ADAM12: variants seen among roughly 807,000 people sequenced by gnomAD.
The protein encoded by ADAM12 is disintegrin and metalloproteinase domain-containing protein 12.
A neutral mutation model predicts 106.4 loss-of-function variants in ADAM12; 70 were observed. The observed-to-expected ratio is 0.66, with a 90% confidence interval of 0.54 to 0.80. The LOEUF (loss-of-function observed/expected upper bound fraction) is 0.80. Among genes scored for constraint, ADAM12 ranks in the 30% least tolerant of loss-of-function variants. ADAM12 has a pLI of 0.00. For missense variants in ADAM12, 1,010 were observed against 1,171.9 expected, an observed-to-expected ratio of 0.86 and a Z score of 2.02; for synonymous variants, 420 against 433.5, an observed-to-expected ratio of 0.97 and a Z score of 0.39.
Position 126,051,435 on chromosome 10 carries a change from G to A in ADAM12, c.1610-1766C>T, listed in dbSNP as rs144140346. On this transcript the variant is annotated intron_variant, in intron 14 of 22. Transcript: ENST00000448723. ...TATCCATTCATCCATCCATCCACTC[G>A]TCCATCCAGCCAGCCACCCAGCCAC... 3.8e-4 allele frequency among the ~76,000 whole-genome samples: 56 copies of A among 148,916 alleles called. 1 individual carries two copies. The highest frequency in any genetic ancestry group is 3.5e-3 in the South Asian group (16 of 4,636).
intron 3 of ADAM12, among the ~76,000 whole-genome samples, chr10:126,158,081 G>A (rs530277846): frequency 5.9e-5 from 9 of 152,338 alleles, no homozygotes; most frequent in African/African-American, 1.7e-4. Flanking sequence ...GCAGAGAGGC[G>A]GGATGTGAAA....
chr10:126,155,806 A>G (rs1956805251), intron 3 of ADAM12, among the ~76,000 whole-genome samples: 2 of 152,322 alleles, frequency 1.3e-5, no homozygotes, highest in South Asian at 4.1e-4. Flanking sequence ...AACCGGCTGA[A>G]AATATTGAAA....
chr10:126,209,151 A>T (rs1300849703), intron 3 of ADAM12, among the ~76,000 whole-genome samples: 1 of 152,248 alleles, frequency 6.6e-6, no homozygotes, highest in Admixed American at 6.5e-5. Context: ...TCCTATCAAC[A>T]TAGGAGGGAT....
intron 1 of ADAM12, among the ~76,000 whole-genome samples, chr10:126,381,898 T>C (rs748288293): frequency 1.5e-4 from 23 of 151,422 alleles, no homozygotes; most frequent in Non-Finnish European, 3.1e-4. Context: ...TCACTTGAGC[T>C]CAGAGGGTCA....
rs199671812 is a variant in ADAM12, at chr10:126,019,857, T to C, written c.2530-32A>G. The C allele has an allele frequency of 1.4e-5, 23 of 1,592,318 alleles. No individual in the cohort carries two copies. In the African/African-American group the frequency reaches 2.8e-4, roughly 20 times the overall value. On this transcript the variant is annotated intron_variant, in intron 21 of 22. Coordinates refer to ENST00000448723, the MANE Select transcript of ADAM12 (RefSeq NM_001288973.2). ...TAAACATAGGGTTAGGCAGGGTCAC[T>C]TACCAGGAGCCAGCAGAGGCCCCTG... is the stretch of plus-strand genomic sequence containing the variant.
At chr10:126,121,977 A>G (rs960509375) in intron 5 of ADAM12, among the ~76,000 whole-genome samples, 1 of 152,148 alleles carries the variant, frequency 6.6e-6, no homozygotes, top group African/African-American at 2.4e-5. Flanking sequence ...AATGGGAGAA[A>G]CAGATCTATC....
At chr10:126,292,781 C>A (rs1222556046) in intron 2 of ADAM12, among the ~76,000 whole-genome samples, 1 of 152,092 alleles carries the variant, frequency 6.6e-6, no homozygotes, top group East Asian at 1.9e-4. Context: ...TGATGTACAC[C>A]AAAATTTGAA....
Position 126,348,750 on chromosome 10 carries a change from A to G in ADAM12, c.89-18241T>C, listed in dbSNP as rs535210130. 3.9e-5 allele frequency among the ~76,000 whole-genome samples: 6 copies of G among 152,330 alleles called. No individual in the cohort carries two copies. The East Asian group carries it at 1.2e-3, about 29-fold the overall frequency. ...CAGTCACTGTTTATGAGAGCGAACC[A>G]TAAATTGGGATCCAAGTAGAATGAT... On this transcript the variant is annotated intron_variant, in intron 1 of 22. Transcript: ENST00000448723.
At chr10:126,236,077 A>T (rs1958410034) in intron 3 of ADAM12, among the ~76,000 whole-genome samples, 2 of 152,214 alleles carry the variant, frequency 1.3e-5, no homozygotes, top group African/African-American at 4.8e-5. Flanking sequence ...CAACCTGAAA[A>T]GGACAGGCCA....
At chr10:126,358,108 G>T (rs1441884610) in intron 1 of ADAM12, among the ~76,000 whole-genome samples, 3 of 151,672 alleles carry the variant, frequency 2.0e-5, no homozygotes, top group Admixed American at 6.6e-5. Flanking sequence ...AACCCCGGGG[G>T]GTGGAACCTG....
At chr10:126,253,690 G>C (rs1051405990) in intron 3 of ADAM12, among the ~76,000 whole-genome samples, 2 of 152,112 alleles carry the variant, frequency 1.3e-5, no homozygotes, top group African/African-American at 4.8e-5. Context: ...ATCTTTGTGG[G>C]TTGGGTGGGG....
At chr10:126,385,454 G>A (rs1234440515) in intron 1 of ADAM12, among the ~76,000 whole-genome samples, 1 of 152,184 alleles carries the variant, frequency 6.6e-6, no homozygotes, top group Non-Finnish European at 1.5e-5. Context: ...GGAGTTCTGT[G>A]CCAGGAACCA....
chr10:126,042,284 A>G, intron 18 of ADAM12: 1 of 1,603,678 alleles, frequency 6.2e-7, no homozygotes, highest in South Asian at 1.1e-5. Flanking sequence ...GAATTGCCCA[A>G]TAAGAACTCA....
intron 2 of ADAM12, among the ~76,000 whole-genome samples, chr10:126,279,582 C>A (rs1183788186): frequency 1.3e-5 from 2 of 152,060 alleles, no homozygotes; most frequent in East Asian, 3.9e-4. Flanking sequence ...AAAAAATTAG[C>A]CTGGTGTGGT....
intron 4 of ADAM12, among the ~76,000 whole-genome samples, chr10:126,149,093 G>A (rs1956682322): frequency 6.6e-6 from 1 of 152,168 alleles, no homozygotes; most frequent in Non-Finnish European, 1.5e-5. Flanking sequence ...GAGGACCGGG[G>A]GAAGACGAGG....
chr10:126,109,042 A>G (rs1288775244), intron 7 of ADAM12, among the ~76,000 whole-genome samples: 1 of 152,276 alleles, frequency 6.6e-6, no homozygotes, highest in African/African-American at 2.4e-5. Context: ...TTTAAAAATT[A>G]AAAAGTAAAA....
intron 11 of ADAM12, among the ~76,000 whole-genome samples, chr10:126,079,291 TCAAA>T (rs1955165274): frequency 6.7e-6 from 1 of 148,250 alleles, no homozygotes; most frequent in South Asian, 2.1e-4. Context: ...CCCCCACCCC[TCAAA>T]CAAACCCCAC....
intron 4 of ADAM12, among the ~76,000 whole-genome samples, chr10:126,147,404 C>T (rs7085021): frequency 0.2 from 30,144 of 152,068 alleles, 3,412 homozygotes; most frequent in Non-Finnish European, 0.26. Flanking sequence ...CTGGAGCCAG[C>T]GGGTGCTTTT....
rs35783742 is a variant in ADAM12 at position 126,312,131 on chromosome 10, G to GAAA, written c.186+18278_186+18280dup. On this transcript the variant is annotated intron_variant, in intron 2 of 22. Transcript: ENST00000448723. ...CAAAGTTGGAGAATTGGTTGGTGTG[G>GAAA]AAAAAAAAAAAAAAAAAAAAACCCA... Among the ~76,000 whole-genome samples, 89 of 123,978 alleles carry GAAA rather than the reference G, an allele frequency of 7.2e-4. 1 individual carries two copies. The highest frequency in any genetic ancestry group is 3.7e-3 in the East Asian group (15 of 4,070). 81.3% of individuals were successfully genotyped at this position (123,978 alleles called of 152,430 possible). A position where few individuals can be genotyped will look rare whatever the true frequency, so the allele number is the denominator to read the frequency against.
Sources: allele counts gnomAD v4.1 joint callset (sites outside exome capture counted in the v4.1 genomes callset), GRCh38; gene constraint gnomAD v4.1.1; transcripts MANE v1.5; gene names NCBI Gene and HGNC (gene_info 2026-07-23, HGNC 2026-07-21).